Variants in IHO1 observed in about 807,000 individuals in gnomAD.
IHO1 encodes interactor of HORMAD1 1.
In IHO1, 13 loss-of-function variants were observed where a neutral mutation model predicts 31.0. The ratio of observed to expected loss-of-function variants is 0.42; its 90% CI spans 0.27 to 0.67. The LOEUF (loss-of-function observed/expected upper bound fraction) is 0.67. Ranked by LOEUF, IHO1 falls within the 30% of genes least tolerant of loss-of-function variation. IHO1 has a pLI of 0.24. For missense variants in IHO1, 599 were observed against 687.5 expected (o/e 0.87, Z 1.44); for synonymous variants, 221 against 248.4 (o/e 0.89, Z 1.04).
chr3:49,255,494 G>GA lies in IHO1; in HGVS notation c.636+1_636+2insA. On this transcript the variant is annotated splice_donor_variant, in intron 7 of 7. Coordinates refer to ENST00000452691, the MANE Select transcript of IHO1 (RefSeq NM_001135197.2). LOFTEE classifies it high-confidence loss of function. ...TGAGATGAAGAAAAGATTTGAAGCTGTAAGTGTAAACCCCAACCTCTTTCT... is the reference window on the plus strand; with the variant it reads ...TGAGATGAAGAAAAGATTTGAAGCTGATAAGTGTAAACCCCAACCTCTTTCT... 6.3e-7 allele frequency: 1 copy of GA among 1,582,520 alleles called. No homozygotes were observed. Among genetic ancestry groups the GA allele is most frequent in the Non-Finnish European group, 8.6e-7 (1 of 1,165,772 alleles).
chr3:49,252,445 T>C (rs4384984), intron 6 of IHO1, among the ~76,000 whole-genome samples: 2 of 151,722 alleles, frequency 1.3e-5, no homozygotes, highest in Admixed American at 1.3e-4. Flanking sequence ...TTGAGATAGG[T>C]TCTCCCTCTG....
intron 1 of IHO1, chr3:49,200,477 A>AAG: frequency 5.3e-6 from 2 of 376,314 alleles, no homozygotes; most frequent in Non-Finnish European, 6.7e-6. Flanking sequence ...AAAAAAAAAA[A>AAG]AGAAAGAAAG....
intron 3 of IHO1, among the ~76,000 whole-genome samples, chr3:49,238,358 C>G (rs2046585824): frequency 6.6e-6 from 1 of 152,004 alleles, no homozygotes; most frequent in Admixed American, 6.6e-5. Context: ...TGCAGTGGTG[C>G]TGTGGCAGGA....
Position 49,256,888 on chromosome 3 carries a change from TCCC to T in IHO1, c.1392_1394del (p.Pro465del). 1 of 1,614,054 alleles carries T rather than the reference TCCC, an allele frequency of 6.2e-7. No individual in the cohort carries two copies. Among genetic ancestry groups the T allele is most frequent in the Non-Finnish European group, 8.5e-7 (1 of 1,180,004 alleles). On this transcript the variant is annotated inframe_deletion, in exon 8 of 8. Coordinates refer to ENST00000452691, the MANE Select transcript of IHO1 (RefSeq NM_001135197.2). The surrounding 1 kb of genome is among the most constrained non-coding windows in gnomAD (Gnocchi z 4.6). ...CTCATAGCCAGCAAGCAAAAACAAA[TCCC>T]AATCCAGACCTGTAAATTCAATTCC...
intron 2 of IHO1, among the ~76,000 whole-genome samples, chr3:49,220,729 G>A (rs568355984): frequency 1.3e-5 from 2 of 152,214 alleles, no homozygotes; most frequent in South Asian, 2.1e-4. Flanking sequence ...TTAGCCGGGC[G>A]TGGTGGTGGG....
chr3:49,255,377 G>C lies in IHO1; in HGVS notation c.533-13G>C. The C allele has an allele frequency of 1.3e-6, 2 of 1,568,854 alleles. No homozygotes were observed. Among genetic ancestry groups the C allele is most frequent in the East Asian group, 2.3e-5 (1 of 43,394 alleles). The stretch of plus-strand genomic sequence containing the variant: ...AGTCTTCAGGAGGTGAACTGTCACT[G>C]TTTTGTATTTAGTACAAGAGACTAT... On this transcript the variant is annotated splice_polypyrimidine_tract_variant and intron_variant, in intron 6 of 7. Coordinates refer to ENST00000452691, the MANE Select transcript of IHO1 (RefSeq NM_001135197.2).
At chr3:49,215,318 T>C (rs1298455364) in intron 2 of IHO1, among the ~76,000 whole-genome samples, 1 of 152,206 alleles carries the variant, frequency 6.6e-6, no homozygotes, top group African/African-American at 2.4e-5. Flanking sequence ...CCCAAAATGC[T>C]GGCATTACAG....
In IHO1 at chr3:49,256,446, G is replaced by A. The variant is rs375519630; in HGVS notation, c.949G>A (p.Glu317Lys). 5.6e-4 allele frequency: 908 copies of A among 1,614,212 alleles called. 7 individuals carry two copies. The South Asian group carries it at 9.5e-3, about 17-fold the overall frequency. Reference sequence around the variant, plus strand: ...TGGTATGGGCTCCCTACAGCCTGGAGAATTTGATGTCTGGGGTGAAGGAGC... The same window carrying A: ...TGGTATGGGCTCCCTACAGCCTGGAAAATTTGATGTCTGGGGTGAAGGAGC... Reference protein sequence around the residue: ...NPGMGSLQPGEFDVWGEGAKN... With the variant: ...NPGMGSLQPGKFDVWGEGAKN... The change falls in exon 8 of 8, where the codon GAA becomes AAA. Residue 317 changes from glutamate to lysine, a missense_variant. Physicochemically the swap from Glu to Lys is moderately conservative, Grantham distance 56 (BLOSUM62 1). Transcript: ENST00000452691. This position sits in a 1 kb window ranked among gnomAD's most constrained non-coding sequence, Gnocchi z 4.6.
At chr3:49,208,472 G>C (rs1057367793) in intron 1 of IHO1, among the ~76,000 whole-genome samples, 18 of 152,156 alleles carry the variant, frequency 1.2e-4, no homozygotes, top group Admixed American at 3.3e-4. Flanking sequence ...ATCTGAGGTG[G>C]AACAATTTCA....
At position 49,256,581 on chromosome 3, in the gene IHO1, G is replaced by A. The variant is rs1380194223; in HGVS notation, c.1084G>A (p.Val362Ile). The A allele has an allele frequency of 6.2e-7, 1 of 1,614,092 alleles. No individual in the cohort carries two copies. Among genetic ancestry groups the A allele is most frequent in the East Asian group, 2.2e-5 (1 of 44,902 alleles). The part of the protein sequence containing the change: ...VVQTNCKNWA[V>I]TKTGAKNHGS... ...GCAGACTAACTGCAAGAACTGGGCT[G>A]TTACTAAAACAGGTGCCAAGAACCA... Residue 362 changes from valine to isoleucine, a missense_variant, in exon 8 of 8, where the codon GTT becomes ATT. By Grantham distance (29) the Val-to-Ile change is conservative. Coordinates refer to ENST00000452691, the MANE Select transcript of IHO1 (RefSeq NM_001135197.2). The surrounding 1 kb of genome is among the most constrained non-coding windows in gnomAD (Gnocchi z 4.6).
chr3:49,246,603 G>A (rs1343611018), intron 6 of IHO1, among the ~76,000 whole-genome samples: 2 of 151,994 alleles, frequency 1.3e-5, no homozygotes, highest in African/African-American at 4.8e-5. Context: ...AGCTGAGATC[G>A]TGCCACTGTA....
intron 1 of IHO1, among the ~76,000 whole-genome samples, chr3:49,202,614 G>C (rs2046083730): frequency 6.6e-6 from 1 of 151,316 alleles, no homozygotes; most frequent in African/African-American, 2.4e-5. Flanking sequence ...CTGACCTCGT[G>C]ATCTGCCCAC....
chr3:49,250,939 G>T (rs974585323), intron 6 of IHO1, among the ~76,000 whole-genome samples: 10 of 151,820 alleles, frequency 6.6e-5, no homozygotes, highest in Admixed American at 6.6e-4. Context: ...CAGGAGAATC[G>T]CTTGAACCCT....
intron 2 of IHO1, among the ~76,000 whole-genome samples, chr3:49,212,129 A>G (rs543252676): frequency 2.8e-5 from 4 of 144,168 alleles, no homozygotes; most frequent in Non-Finnish European, 6.0e-5. Context: ...GCGCCACTGC[A>G]CTCCAGCCTG....
chr3:49,253,722 C>T (rs760684035), intron 6 of IHO1, among the ~76,000 whole-genome samples: 4 of 151,886 alleles, frequency 2.6e-5, no homozygotes, highest in South Asian at 2.1e-4. Flanking sequence ...AAGCACAGTA[C>T]GCTTTTCCTT....
the IHO1 span, chr3:49,191,670 A>G: frequency 6.6e-7 from 1 of 1,508,282 alleles, no homozygotes; most frequent in Non-Finnish European, 9.1e-7. Context: ...TTTTCACTTC[A>G]CCGGCATGAC....
chr3:49,232,356 A>C (rs1575578764), intron 2 of IHO1, among the ~76,000 whole-genome samples: 1 of 152,350 alleles, frequency 6.6e-6, no homozygotes, highest in East Asian at 1.9e-4. Flanking sequence ...GCCTGCCTAA[A>C]GGCCAGATGC....
Position 49,257,485 on chromosome 3 carries a change from T to G in IHO1, c.*203T>G. 1.8e-6 allele frequency: 1 copy of G among 557,470 alleles called. No individual in the cohort carries two copies. Among genetic ancestry groups the G allele is most frequent in the Non-Finnish European group, 3.2e-6 (1 of 314,128 alleles). 34.5% of individuals were successfully genotyped at this position (557,470 alleles called of 1,614,324 possible). A position where few individuals can be genotyped will look rare whatever the true frequency, so the allele number is the denominator to read the frequency against. On this transcript the variant is annotated 3_prime_UTR_variant, in exon 8 of 8. Coordinates refer to ENST00000452691, the MANE Select transcript of IHO1 (RefSeq NM_001135197.2). ...CCCTGACAAGGATTAAGTGCATCCT[T>G]ATTTATTGGAATGAAATGTGAAAAT...
chr3:49,212,617 G>A (rs1397585952), intron 2 of IHO1, among the ~76,000 whole-genome samples: 1 of 152,148 alleles, frequency 6.6e-6, no homozygotes, highest in Non-Finnish European at 1.5e-5. Context: ...CAAGAATGAG[G>A]CCAAAGACCC....
Sources: gnomAD v4.1 joint callset for allele counts (sites outside exome capture counted in the v4.1 genomes callset) on GRCh38, gnomAD v4.1.1 for gene constraint, Gnocchi (gnomAD v3.1) non-coding constraint, MANE v1.5 for transcripts, NCBI Gene and HGNC (gene_info 2026-07-23, HGNC 2026-07-21) for gene names.